The following TICAM1 variants were observed in gnomAD, a reference collection of about 807,000 sequenced individuals.
TICAM1 encodes TIR domain-containing adapter molecule 1.
For missense variants in TICAM1, 895 were observed against 938.2 expected (o/e 0.95, Z 0.60); for synonymous variants, 439 against 415.4 (o/e 1.06, Z -0.69).
At chr19:4,829,798 T>C (rs2093611245) in intron 1 of TICAM1, among the ~76,000 whole-genome samples, 2 of 146,170 alleles carry the variant, frequency 1.4e-5, no homozygotes, top group Non-Finnish European at 3.0e-5. Flanking sequence ...GATTTTTAAT[T>C]TCATTTCTTT....
At position 4,818,444 on chromosome 19, in the gene TICAM1, C is replaced by T. The variant is rs2093591791; in HGVS notation, c.-67G>A. The T allele has an allele frequency of 2.0e-6, 3 of 1,495,542 alleles. No homozygotes were observed. The Admixed American group carries it at 7.4e-5, about 37-fold the overall frequency. 92.6% of individuals were successfully genotyped at this position (1,495,542 alleles called of 1,614,324 possible). A position where few individuals can be genotyped will look rare whatever the true frequency, so the allele number is the denominator to read the frequency against. The stretch of plus-strand genomic sequence containing the variant: ...TGGTGAAGGCATGTTCCACACTGCC[C>T]CCCGCCTTCTGCACGCCCAGTGTCC... On this transcript the variant is annotated 5_prime_UTR_variant, in exon 2 of 2. Transcript: ENST00000248244. The surrounding 1 kb of genome is among the most constrained non-coding windows in gnomAD (Gnocchi z 4.0).
Position 4,816,625 on chromosome 19 carries a change from C to T in TICAM1, c.1753G>A (p.Glu585Lys). 1.2e-6 allele frequency: 2 copies of T among 1,614,094 alleles called. No homozygotes were observed. The highest frequency in any genetic ancestry group is 3.3e-5 in the Admixed American group (2 of 60,026). Residue 585 changes from glutamate (E) to lysine (K), a missense_variant, in exon 2 of 2, where the codon GAG (glutamate) becomes AAG (lysine). Coordinates refer to ENST00000248244, the MANE Select transcript of TICAM1 (RefSeq NM_182919.4). The surrounding 1 kb of genome is among the most constrained non-coding windows in gnomAD (Gnocchi z 4.3). ...CTCCCAAAAGCCACCTGGAGCTGCT[C>T]CATCTGTGCCTGGTAGGACAAGTAG... ...QSYLSYQAQM[E>K]QLQVAFGSHM...
intron 1 of TICAM1, among the ~76,000 whole-genome samples, chr19:4,824,727 G>C (rs928067132): frequency 6.6e-6 from 1 of 151,734 alleles, no homozygotes; most frequent in Non-Finnish European, 1.5e-5. Context: ...CAGGTCAGGA[G>C]TTCAAGACCA....
In TICAM1 at chr19:4,816,620, C is replaced by T. The variant is rs1417303430; in HGVS notation, c.1758G>A (p.Gln586=). The T allele has an allele frequency of 6.2e-7, 1 of 1,613,968 alleles. No individual in the cohort carries two copies. The highest frequency in any genetic ancestry group is 8.5e-7 in the Non-Finnish European group (1 of 1,180,052). The change falls in exon 2 of 2, where the codon CAG becomes CAA. Residue 586 remains glutamine, a synonymous_variant. Coordinates refer to ENST00000248244, the MANE Select transcript of TICAM1 (RefSeq NM_182919.4). The surrounding 1 kb of genome is among the most constrained non-coding windows in gnomAD (Gnocchi z 4.3). ...SYLSYQAQME[Q]LQVAFGSHMS... ...TGTGGCTCCCAAAAGCCACCTGGAG[C>T]TGCTCCATCTGTGCCTGGTAGGACA...
chr19:4,827,894 C>G (rs987916821), intron 1 of TICAM1, among the ~76,000 whole-genome samples: 3 of 151,996 alleles, frequency 2.0e-5, no homozygotes, highest in African/African-American at 7.2e-5. Context: ...CACGAATCAA[C>G]TGCTCTTCCC....
At chr19:4,828,527 A>C (rs1332276908) in intron 1 of TICAM1, among the ~76,000 whole-genome samples, 74 of 146,760 alleles carry the variant, frequency 5.0e-4, no homozygotes. Flanking sequence ...TGTCAGTAAA[A>C]TATATATACA....
intron 1 of TICAM1, among the ~76,000 whole-genome samples, chr19:4,827,803 C>T (rs537914410): frequency 5.9e-5 from 9 of 151,356 alleles, no homozygotes; most frequent in Middle Eastern, 6.8e-3. Context: ...GACCACAAGT[C>T]GGCCAAAACT....
chr19:4,821,145 G>A (rs945922270), intron 1 of TICAM1, among the ~76,000 whole-genome samples: 3 of 150,490 alleles, frequency 2.0e-5, no homozygotes, highest in Admixed American at 1.3e-4. Flanking sequence ...GCAGTGAGCC[G>A]AGATCACGCC....
chr19:4,820,439 T>C (rs539290982), intron 1 of TICAM1, among the ~76,000 whole-genome samples: 3 of 147,808 alleles, frequency 2.0e-5, no homozygotes, highest in Admixed American at 1.4e-4. Context: ...AAAAAAAAGT[T>C]TGGAGCCAGG....
At position 4,816,410 on chromosome 19, in the gene TICAM1, G is replaced by A. The variant is rs1365189241; in HGVS notation, c.1968C>T (p.Pro656=). ...TAGGGAAGGCTGGGGACTGCGGGAAGGGCAGTGACTGTGGAAAGGCTGCTG... is the reference window on the plus strand; with the variant it reads ...TAGGGAAGGCTGGGGACTGCGGGAAAGGCAGTGACTGTGGAAAGGCTGCTG... ...PQPAAFPQSL[P]FPQSPAFPTA... is the part of the protein sequence containing the mutation. The change falls in exon 2 of 2, where the codon CCC becomes CCT. Residue 656 remains proline (P), a synonymous_variant. Transcript: ENST00000248244. This position sits in a 1 kb window ranked among gnomAD's most constrained non-coding sequence, Gnocchi z 4.3. 3.2e-6 allele frequency: 5 copies of A among 1,569,354 alleles called. No individual in the cohort carries two copies. In the African/African-American group the frequency reaches 4.1e-5, roughly 13 times the overall value.
In TICAM1 at chr19:4,818,908, G is replaced by A. The variant is rs1387773139; in HGVS notation, c.-139-392C>T. Among the ~76,000 whole-genome samples the A allele has an allele frequency of 6.6e-6, 1 of 152,016 alleles. No individual in the cohort carries two copies. Among genetic ancestry groups the A allele is most frequent in the Non-Finnish European group, 1.5e-5 (1 of 68,004 alleles). ...GGGGATCACCTGAGGTCAGGAGTTCGAGACCAGCCTGGCCAACATGGTGAA... is the reference window on the plus strand; with the variant it reads ...GGGGATCACCTGAGGTCAGGAGTTCAAGACCAGCCTGGCCAACATGGTGAA... On this transcript the variant is annotated intron_variant, in intron 1 of 1. Transcript: ENST00000248244. The surrounding 1 kb of genome is among the most constrained non-coding windows in gnomAD (Gnocchi z 4.0).
intron 1 of TICAM1, among the ~76,000 whole-genome samples, chr19:4,821,513 C>T (rs1270770813): frequency 3.9e-5 from 6 of 152,124 alleles, no homozygotes; most frequent in Admixed American, 2.6e-4. Context: ...GTTCCCTCTG[C>T]CTATATCTCT....
Position 4,817,208 on chromosome 19 carries a change from C to G in TICAM1, c.1170G>C (p.Ser390=), listed in dbSNP as rs201681611. Residue 390 remains serine, a synonymous_variant, in exon 2 of 2, where the codon TCG becomes TCC. Transcript: ENST00000248244. This position sits in a 1 kb window ranked among gnomAD's most constrained non-coding sequence, Gnocchi z 4.7. ...SLFPSSLESS[S]EQKFYNFVIL... ...TCACAAAGTTATAGAATTTCTGTTC[C>G]GATGATGATTCCAGGGAGGAAGGGA... is the stretch of plus-strand genomic sequence containing the variant. The G allele has an allele frequency of 6.2e-7, 1 of 1,613,322 alleles. No homozygotes were observed. Among genetic ancestry groups the G allele is most frequent in the East Asian group, 2.2e-5 (1 of 44,832 alleles).
In TICAM1 at chr19:4,815,974, T is replaced by G; in HGVS notation, c.*265A>C. ...TATTATAATTAAAAGACCGTAGCAA[T>G]ACCCCCACCACCAAGACCCTTCACC... is the stretch of plus-strand genomic sequence containing the variant. On this transcript the variant is annotated 3_prime_UTR_variant, in exon 2 of 2. Transcript: ENST00000248244. The G allele has an allele frequency of 2.7e-6, 1 of 373,740 alleles. No homozygotes were observed. 23.2% of individuals were successfully genotyped at this position (373,740 alleles called of 1,614,324 possible).
At chr19:4,831,445 G>T (rs1172831378) in intron 1 of TICAM1, among the ~76,000 whole-genome samples, 169 bp downstream of exon 1, 1 of 151,940 alleles carries the variant, frequency 6.6e-6, no homozygotes, top group Non-Finnish European at 1.5e-5. Context: ...AGGTTGAGGG[G>T]AACGTCAACC....
Position 4,818,042 on chromosome 19 carries a change from C to T in TICAM1, c.336G>A (p.Ser112=), listed in dbSNP as rs1360285784. 9.9e-6 allele frequency: 16 copies of T among 1,608,880 alleles called. No individual in the cohort carries two copies. Among genetic ancestry groups the T allele is most frequent in the African/African-American group, 2.7e-5 (2 of 75,050 alleles). Reference sequence around the variant, plus strand: ...CTTCCTGGTAGGCCACGTCCCGCAGCGAGGCGGGGCACAGCTTCTCCTCAG... The same window carrying T: ...CTTCCTGGTAGGCCACGTCCCGCAGTGAGGCGGGGCACAGCTTCTCCTCAG... ...LLAEEKLCPA[S]LRDVAYQEAV... Residue 112 remains serine (S), a synonymous_variant, in exon 2 of 2, where the codon TCG becomes TCA. Coordinates refer to ENST00000248244, the MANE Select transcript of TICAM1 (RefSeq NM_182919.4). This position sits in a 1 kb window ranked among gnomAD's most constrained non-coding sequence, Gnocchi z 4.0.
chr19:4,818,127 T>G lies in TICAM1; in HGVS notation c.251A>C (p.Glu84Ala). The stretch of plus-strand genomic sequence containing the variant: ...CACATCTGGGGGCTCCTCTGGGTCC[T>G]CGGTGCTGTCCACGCCAGCCCACTG... ...ARQWAGVDST[E>A]DPEEPPDVSW... Residue 84 changes from glutamate to alanine, a missense_variant, in exon 2 of 2, where the codon GAG becomes GCG. Transcript: ENST00000248244. This position sits in a 1 kb window ranked among gnomAD's most constrained non-coding sequence, Gnocchi z 4.0. 1 of 1,608,960 alleles carries G rather than the reference T, an allele frequency of 6.2e-7. No homozygotes were observed. The highest frequency in any genetic ancestry group is 8.5e-7 in the Non-Finnish European group (1 of 1,179,734).
chr19:4,827,868 G>C (rs138338943), intron 1 of TICAM1, among the ~76,000 whole-genome samples: 1 of 151,588 alleles, frequency 6.6e-6, no homozygotes, highest in African/African-American at 2.4e-5. Flanking sequence ...CCCACCCCCC[G>C]TTAAGTTCGA....
rs774682259 is a variant in TICAM1 at position 4,817,694 on chromosome 19, G to A, written c.684C>T (p.Ser228=). 1.3e-6 allele frequency: 2 copies of A among 1,590,100 alleles called. No individual in the cohort carries two copies. Among genetic ancestry groups the A allele is most frequent in the South Asian group, 1.1e-5 (1 of 87,962 alleles). ...LSLHRSPHGP[S]KLCDDPQASL... is the part of the protein sequence containing the mutation. ...TGGCCTGGGGGTCGTCACAGAGCTT[G>A]CTGGGCCCATGTGGGCTGCGGTGCA... Residue 228 remains serine (S), a synonymous_variant, in exon 2 of 2, where the codon AGC becomes AGT. Transcript: ENST00000248244. This position sits in a 1 kb window ranked among gnomAD's most constrained non-coding sequence, Gnocchi z 4.7.
Sources: allele counts gnomAD v4.1 joint callset (sites outside exome capture counted in the v4.1 genomes callset), GRCh38; gene constraint gnomAD v4.1.1; non-coding constraint Gnocchi (gnomAD v3.1); transcripts MANE v1.5; gene names NCBI Gene and HGNC (gene_info 2026-07-23, HGNC 2026-07-21).